The following HM13 variants were observed in gnomAD, a reference collection of about 807,000 sequenced individuals.
HM13 encodes the protein histocompatibility minor 13, also known as signal peptide peptidase.
Under a neutral mutation model 50.0 loss-of-function variants are expected in HM13, and 18 were observed. That is an observed-to-expected ratio of 0.36 (90% CI 0.25 to 0.53). The LOEUF (loss-of-function observed/expected upper bound fraction) is 0.53. Ranked by LOEUF, HM13 falls within the 20% of genes least tolerant of loss-of-function variation. HM13 has a pLI of 0.90. For synonymous variants in HM13, 197 were observed against 232.6 expected, an observed-to-expected ratio of 0.85 and a Z score of 1.39; for missense variants, 393 against 552.4, an observed-to-expected ratio of 0.71 and a Z score of 2.89.
chr20:31,523,809 G>A (rs1296918948), intron 1 of HM13, among the ~76,000 whole-genome samples: 1 of 152,168 alleles, frequency 6.6e-6, no homozygotes, highest in African/African-American at 2.4e-5. Flanking sequence ...AGGGAAGGAA[G>A]GAAACTGGGC....
chr20:31,550,308 G>A, intron 7 of HM13, 187 bp downstream of exon 7: 1 of 591,352 alleles, frequency 1.7e-6, no homozygotes. Context: ...CCAGGTCCCG[G>A]CCCCTGGCCA....
intron 3 of HM13, among the ~76,000 whole-genome samples, chr20:31,542,209 G>A (rs1034353066): frequency 1.3e-5 from 2 of 152,246 alleles, no homozygotes; most frequent in Non-Finnish European, 2.9e-5. Context: ...TTGGAGGAAG[G>A]CAGGGGCCGC....
chr20:31,543,060 C>G (rs1983531022), intron 3 of HM13, among the ~76,000 whole-genome samples: 1 of 152,126 alleles, frequency 6.6e-6, no homozygotes, highest in South Asian at 2.1e-4. Context: ...GCTTCAGACT[C>G]CCCCAAAACT....
At chr20:31,548,193 C>T (rs1396370421) in intron 4 of HM13, 1 of 679,420 alleles carries the variant, frequency 1.5e-6, no homozygotes, top group African/African-American at 1.8e-5. Flanking sequence ...GAAAACAAAT[C>T]AGGGTGCTCT....
rs753345885 is a variant in HM13, at chr20:31,514,588, G to A, written c.37G>A (p.Ala13Thr). The change falls in exon 1 of 13, where the codon GCC becomes ACC. Residue 13 changes from alanine (A) to threonine (T), a missense_variant. Transcript: ENST00000398174. This position sits in a 1 kb window ranked among gnomAD's most constrained non-coding sequence, Gnocchi z 4.3. ...SALSDPHNGS[A>T]EAGGPTNSTT... ...CCTCAGCGATCCGCATAACGGCAGT[G>A]CCGAGGCAGGCGGCCCCACCAACAG... 2 of 1,604,166 alleles carry A rather than the reference G, an allele frequency of 1.2e-6. No homozygotes were observed. The highest frequency in any genetic ancestry group is 1.7e-6 in the Non-Finnish European group (2 of 1,177,006).
chr20:31,546,104 C>T (rs1423327157), intron 4 of HM13, among the ~76,000 whole-genome samples: 1 of 145,040 alleles, frequency 6.9e-6, no homozygotes, highest in East Asian at 2.0e-4. Context: ...GGCTGGAGTG[C>T]AGCGGCACAA....
intron 3 of HM13, among the ~76,000 whole-genome samples, chr20:31,543,189 T>G (rs1255964957): frequency 6.6e-6 from 1 of 152,200 alleles, no homozygotes; most frequent in East Asian, 1.9e-4. Flanking sequence ...CTGCTGCGCT[T>G]CTCTTCACAA....
At chr20:31,542,092 A>C (rs1983479388) in intron 3 of HM13, among the ~76,000 whole-genome samples, 1 of 152,238 alleles carries the variant, frequency 6.6e-6, no homozygotes, top group Non-Finnish European at 1.5e-5. Context: ...AGAGAGCTGC[A>C]CCCGAGCTGT....
intron 10 of HM13, chr20:31,564,142 A>G (rs1984765119): frequency 6.6e-6 from 1 of 151,888 alleles, no homozygotes; most frequent in Non-Finnish European, 1.5e-5. Flanking sequence ...CTTCATGAGC[A>G]CCCATGAAGA....
Position 31,568,188 on chromosome 20 carries a change from G to A in HM13, c.1145G>A (p.Gly382Asp). 6.2e-7 allele frequency: 1 copy of A among 1,612,934 alleles called. No individual in the cohort carries two copies. The highest frequency in any genetic ancestry group is 8.5e-7 in the Non-Finnish European group (1 of 1,179,922). Residue 382 changes from glycine (G) to aspartate (D), a missense_variant, in exon 12 of 13, where the codon GGC (glycine) becomes GAC (aspartate). Gly to Asp is a moderately conservative substitution (Grantham distance 94, BLOSUM62 -1). This residue lies in a region of HM13 where 105 missense variants were observed against 115.9 expected (regional missense o/e 0.91). Transcript: ENST00000398174. ...LADSMQQKLA[G>D]PRRRRPQNPS... ...GACTCCATGCAGCAGAAGCTAGCTG[G>A]CCCTCGCCGCCGGCGCCCGCAGAAT...
At chr20:31,560,668 G>T (rs1984551167) in intron 9 of HM13, among the ~76,000 whole-genome samples, 1 of 152,240 alleles carries the variant, frequency 6.6e-6, no homozygotes, top group African/African-American at 2.4e-5. Context: ...GCTGGAGACA[G>T]ATTCAACTGC....
At chr20:31,561,579 C>A in intron 9 of HM13, 55 bp from the exon 10 acceptor site, 1 of 1,200,132 alleles carries the variant, frequency 8.3e-7, no homozygotes, top group Non-Finnish European at 1.2e-6. Flanking sequence ...AGGGGTATTA[C>A]TAGTTCAGTC....
At chr20:31,562,486 G>A (rs568075270) in intron 10 of HM13, 25 of 152,466 alleles carry the variant, frequency 1.6e-4, no homozygotes, top group African/African-American at 5.8e-4. Flanking sequence ...GGTCAGCATG[G>A]AAACCACACC....
At chr20:31,562,987 A>G (rs1422902654) in intron 10 of HM13, among the ~76,000 whole-genome samples, 1 of 152,198 alleles carries the variant, frequency 6.6e-6, no homozygotes, top group Non-Finnish European at 1.5e-5. Flanking sequence ...CCCAGAGCCA[A>G]TTCCCCCAGT....
Position 31,549,308 on chromosome 20 carries a change from A to G in HM13, c.642A>G (p.Gly214=), listed in dbSNP as rs1156618257. The stretch of plus-strand genomic sequence containing the variant: ...GCACTGGCTGCATCCTGCTGGGCGG[A>G]CTCTTCATCTACGATGTCTTCTGGG... ...NVSTGCILLG[G]LFIYDVFWVF... is the part of the protein sequence containing the mutation. Residue 214 remains glycine, a synonymous_variant, in exon 6 of 13, where the codon GGA becomes GGG. Coordinates refer to ENST00000398174, the MANE Select transcript of HM13 (RefSeq NM_178581.3). 6.2e-7 allele frequency: 1 copy of G among 1,613,918 alleles called. No homozygotes were observed. The highest frequency in any genetic ancestry group is 1.1e-5 in the South Asian group (1 of 91,060).
At chr20:31,524,479 T>C (rs1006404466) in intron 1 of HM13, among the ~76,000 whole-genome samples, 31 of 152,292 alleles carry the variant, frequency 2.0e-4, no homozygotes, top group African/African-American at 7.5e-4. Flanking sequence ...TTTTGTGTAT[T>C]GCCTAGTTGC....
At chr20:31,567,802 C>A in intron 11 of HM13, 1 of 385,638 alleles carries the variant, frequency 2.6e-6, no homozygotes, top group Non-Finnish European at 4.6e-6. Context: ...CATTGGGTTT[C>A]TACGGTATTT....
intron 1 of HM13, among the ~76,000 whole-genome samples, chr20:31,515,233 C>T (rs750329673): frequency 1.3e-5 from 2 of 152,238 alleles, no homozygotes; most frequent in Non-Finnish European, 2.9e-5. Flanking sequence ...TAGACTCTGA[C>T]TCCTGTCTCA....
chr20:31,517,543 A>T lies in HM13; in HGVS notation c.183+2809A>T, dbSNP rs181329089. On this transcript the variant is annotated intron_variant, in intron 1 of 12. Coordinates refer to ENST00000398174, the MANE Select transcript of HM13 (RefSeq NM_178581.3). ...GAGCCCAGTCACCAAGGAGAAACAG[A>T]CATGTGACTAGTCAAGTAAATAGAG... 1.1e-4 allele frequency among the ~76,000 whole-genome samples: 16 copies of T among 152,196 alleles called. No individual in the cohort carries two copies. The East Asian group carries it at 3.1e-3, about 29-fold the overall frequency.
Sources: gnomAD v4.1 joint callset for allele counts (sites outside exome capture counted in the v4.1 genomes callset) on GRCh38, gnomAD v4.1.1 for gene constraint, gnomAD v4.1.1 regional missense constraint, Gnocchi (gnomAD v3.1) non-coding constraint, MANE v1.5 for transcripts, NCBI Gene and HGNC (gene_info 2026-07-23, HGNC 2026-07-21) for gene names.